Variants in WSB2 observed in about 807,000 individuals in gnomAD.
The protein encoded by WSB2 is WD repeat and SOCS box containing 2.
WSB2 carries 12 observed loss-of-function variants against 48.8 expected under a neutral mutation model. The observed-to-expected ratio is 0.25, with a 90% CI of 0.16 to 0.40. The LOEUF is 0.40. Among genes scored for constraint, WSB2 ranks in the 10% least tolerant of loss-of-function variants. The probability of loss-of-function intolerance (pLI) is 1.00; values close to 1 mark genes in which losing one functional copy is unlikely to be tolerated. For synonymous variants in WSB2, 191 were observed against 203.1 expected, an observed-to-expected ratio of 0.94 and a Z score of 0.51; for missense variants, 317 against 506.2, an observed-to-expected ratio of 0.63 and a Z score of 3.59.
chr12:118,045,601 A>C (rs1276737147), intron 2 of WSB2, among the ~76,000 whole-genome samples: 1 of 150,614 alleles, frequency 6.6e-6, no homozygotes, highest in South Asian at 2.1e-4. Flanking sequence ...AATCCCAGCT[A>C]CTCAGGAGGC....
chr12:118,046,932 C>T (rs920040873), intron 2 of WSB2, among the ~76,000 whole-genome samples: 5 of 151,976 alleles, frequency 3.3e-5, no homozygotes, highest in African/African-American at 1.2e-4. Flanking sequence ...CCACCATACC[C>T]AGCTAATTTT....
chr12:118,053,789 C>T (rs2031899213), intron 1 of WSB2, among the ~76,000 whole-genome samples: 1 of 152,174 alleles, frequency 6.6e-6, no homozygotes, highest in Non-Finnish European at 1.5e-5. Context: ...TGAATAAGGT[C>T]ACTTCCTGAT....
chr12:118,055,403 A>G (rs1282701576), intron 1 of WSB2, among the ~76,000 whole-genome samples: 1 of 152,152 alleles, frequency 6.6e-6, no homozygotes, highest in Non-Finnish European at 1.5e-5. Context: ...GTATTAAATG[A>G]CATTGACTGA....
chr12:118,056,512 T>C (rs963379710), intron 1 of WSB2, among the ~76,000 whole-genome samples: 1 of 152,210 alleles, frequency 6.6e-6, no homozygotes, highest in Non-Finnish European at 1.5e-5. Context: ...TTTGTATATT[T>C]ATCCCCAGAG....
chr12:118,041,348 C>A (rs925423953), intron 4 of WSB2, among the ~76,000 whole-genome samples: 1 of 152,152 alleles, frequency 6.6e-6, no homozygotes, highest in Non-Finnish European at 1.5e-5. Context: ...TGTTTACAAG[C>A]CAGGCAGCAG....
chr12:118,048,083 C>T (rs1488739457), intron 2 of WSB2, among the ~76,000 whole-genome samples: 10 of 152,120 alleles, frequency 6.6e-5, no homozygotes, highest in Admixed American at 1.3e-4. Flanking sequence ...CCTGCCACCA[C>T]GCCAGGCTAA....
intron 2 of WSB2, among the ~76,000 whole-genome samples, chr12:118,044,443 T>C (rs745723860): frequency 1.7e-4 from 26 of 152,238 alleles, no homozygotes; most frequent in Non-Finnish European, 1.5e-5. Flanking sequence ...TAAACTCATC[T>C]TGCCAACACC....
In WSB2 at chr12:118,049,741, G is replaced by A. The variant is rs539786825; in HGVS notation, c.182+2569C>T. On this transcript the variant is annotated intron_variant, in intron 2 of 8. Transcript: ENST00000315436. The stretch of plus-strand genomic sequence containing the variant: ...TTCAGGTCCTTGATGCATTTTGCCA[G>A]GCTTCCTTCCAAAAACTGCACAAAT... Among the ~76,000 whole-genome samples the A allele has an allele frequency of 9.2e-5, 14 of 152,122 alleles. No homozygotes were observed. In the East Asian group the frequency reaches 2.5e-3, roughly 27 times the overall value.
rs192181011 is a variant in WSB2 at position 118,043,839 on chromosome 12, A to G, written c.183-462T>C. Among the ~76,000 whole-genome samples, 704 of 151,726 alleles carry G rather than the reference A, an allele frequency of 4.6e-3. 4 individuals are homozygous for G. The highest frequency in any genetic ancestry group is 0.01 in the African/African-American group (434 of 41,450). On this transcript the variant is annotated intron_variant, in intron 2 of 8. Coordinates refer to ENST00000315436, the MANE Select transcript of WSB2 (RefSeq NM_018639.5). ...TTCTTTTTAAGAGTTGATGTAGGCCAGGCGTGGTGGCTCATGCCCGTAATC... is the reference window on the plus strand; with the variant it reads ...TTCTTTTTAAGAGTTGATGTAGGCCGGGCGTGGTGGCTCATGCCCGTAATC...
At chr12:118,044,453 CG>C (rs1376284317) in intron 2 of WSB2, among the ~76,000 whole-genome samples, 2 of 152,112 alleles carry the variant, frequency 1.3e-5, no homozygotes, top group Non-Finnish European at 2.9e-5. Context: ...TTGCCAACAC[CG>C]TTTGTTTGGT....
chr12:118,061,199 C>T (rs1438246232), upstream of WSB2: 47 of 981,682 alleles, frequency 4.8e-5, no homozygotes, highest in Admixed American at 3.8e-4. Flanking sequence ...TGGCGGTGGG[C>T]GCGGGCGGAG....
chr12:118,052,558 C>T (rs369032562), intron 1 of WSB2, 80 bp from the exon 2 acceptor site: 5 of 1,585,428 alleles, frequency 3.2e-6, no homozygotes, highest in Middle Eastern at 2.3e-4. Flanking sequence ...CACTGTCTCC[C>T]TGTGGCAAAG....
chr12:118,037,393 G>A (rs751649287), intron 5 of WSB2, among the ~76,000 whole-genome samples: 8 of 151,842 alleles, frequency 5.3e-5, no homozygotes, highest in East Asian at 1.9e-4. Flanking sequence ...CAGGCCAGGC[G>A]CGGTGGCTCA....
chr12:118,052,742 T>C, intron 1 of WSB2: 1 of 523,064 alleles, frequency 1.9e-6, no homozygotes, highest in South Asian at 2.6e-5. Context: ...GGCCTCATTT[T>C]CCTATGAATA....
intron 2 of WSB2, 65 bp downstream of exon 2, chr12:118,052,245 G>A (rs2031867305): frequency 2.5e-6 from 4 of 1,571,654 alleles, no homozygotes; most frequent in Non-Finnish European, 3.5e-6. Flanking sequence ...TGGGCACAGA[G>A]ATGGCAAAAG....
intron 4 of WSB2, among the ~76,000 whole-genome samples, chr12:118,039,862 G>T (rs1005643059): frequency 2.0e-5 from 3 of 151,646 alleles, no homozygotes; most frequent in African/African-American, 7.3e-5. Flanking sequence ...TCCTGCCTCA[G>T]CCTCCCGAGT....
chr12:118,052,523 C>G (rs1245320533), intron 1 of WSB2, 45 bp from the exon 2 acceptor site: 2 of 1,609,046 alleles, frequency 1.2e-6, no homozygotes, highest in African/African-American at 1.3e-5. Context: ...CCCCTTGCTC[C>G]CTGACCACCC....
chr12:118,041,490 A>C (rs142525009), intron 4 of WSB2, among the ~76,000 whole-genome samples: 12 of 152,308 alleles, frequency 7.9e-5, no homozygotes, highest in African/African-American at 2.9e-4. Flanking sequence ...TTTCAGGCTC[A>C]TTGCTAAAAG....
intron 1 of WSB2, among the ~76,000 whole-genome samples, chr12:118,055,771 CA>C (rs1259852812): frequency 1.5e-4 from 23 of 151,672 alleles, no homozygotes; most frequent in African/African-American, 5.1e-4. Context: ...TGCACCACCA[CA>C]CCCAGCTAAT....
Sources: allele counts gnomAD v4.1 joint callset (sites outside exome capture counted in the v4.1 genomes callset), GRCh38; gene constraint gnomAD v4.1.1; transcripts MANE v1.5; gene names NCBI Gene and HGNC (gene_info 2026-07-23, HGNC 2026-07-21).